GPAT3: variants seen among roughly 807,000 people sequenced by gnomAD.
The protein encoded by GPAT3 is 1-AGP acyltransferase 9.
A neutral mutation model predicts 58.8 loss-of-function variants in GPAT3; 53 were observed. That is an observed-to-expected ratio of 0.90 (90% CI 0.72 to 1.13). The LOEUF (loss-of-function observed/expected upper bound fraction) is 1.13. Among genes scored for constraint, GPAT3 ranks in the 50% most tolerant of loss-of-function variants. The probability of loss-of-function intolerance (pLI) is 0.00; values close to 1 mark genes in which losing one functional copy is unlikely to be tolerated. For missense variants in GPAT3, 511 were observed against 527.6 expected, an observed-to-expected ratio of 0.97 and a Z score of 0.31; for synonymous variants, 197 against 187.4, an observed-to-expected ratio of 1.05 and a Z score of -0.42.
intron 7 of GPAT3, chr4:83,595,217 T>A (rs1211735950): frequency 3.8e-6 from 1 of 263,602 alleles, no homozygotes. Flanking sequence ...GTCCAGTCAC[T>A]GAATTTTCAA....
chr4:83,539,608 C>A (rs1333830821), intron 1 of GPAT3, among the ~76,000 whole-genome samples: 1 of 152,162 alleles, frequency 6.6e-6, no homozygotes, highest in Non-Finnish European at 1.5e-5. Context: ...CCTTCTTAAC[C>A]CACTGGTTCA....
Position 83,536,344 on chromosome 4 carries a change from C to T in GPAT3, c.-279C>T, listed in dbSNP as rs1356121652. 3.4e-6 allele frequency: 4 copies of T among 1,165,914 alleles called. No homozygotes were observed. The highest frequency in any genetic ancestry group is 4.3e-5 in the East Asian group (1 of 23,062). The allele number at this position is 1,165,914 out of a possible 1,614,324, so 72.2% of individuals were successfully genotyped here. On this transcript the variant is annotated 5_prime_UTR_variant, in exon 1 of 12. Transcript: ENST00000264409. ...TTACCCGCAGCTCCGACCACTGGCT[C>T]GCGCTACCCAGGTCTCCGCACGCCG...
At chr4:83,582,934 G>A (rs1726209421) in intron 3 of GPAT3, among the ~76,000 whole-genome samples, 1 of 152,160 alleles carries the variant, frequency 6.6e-6, no homozygotes, top group Non-Finnish European at 1.5e-5. Flanking sequence ...CAGGGTTCGT[G>A]TACTCTGGGA....
chr4:83,594,319 A>G (rs1396991490), intron 6 of GPAT3, among the ~76,000 whole-genome samples: 1 of 152,248 alleles, frequency 6.6e-6, no homozygotes, highest in Non-Finnish European at 1.5e-5. Context: ...TTGTGCATAT[A>G]TATTTTCAAT....
At chr4:83,560,384 C>T (rs1234412088) in intron 2 of GPAT3, among the ~76,000 whole-genome samples, 2 of 152,126 alleles carry the variant, frequency 1.3e-5, no homozygotes, top group East Asian at 1.9e-4. Flanking sequence ...CCCAGGCAGC[C>T]GTACCTGCTC....
intron 5 of GPAT3, 112 bp downstream of exon 5, chr4:83,588,411 A>T (rs758432255): frequency 4.3e-6 from 4 of 921,868 alleles, no homozygotes; most frequent in Non-Finnish European, 6.9e-6. Flanking sequence ...AGTGCTTCCA[A>T]TGTGTTCATC....
rs760151577 is a variant in GPAT3 at position 83,583,667 on chromosome 4, G to GAAGAA, written c.479+1837_479+1838insGAAAA. 3.8e-4 allele frequency among the ~76,000 whole-genome samples: 9 copies of GAAGAA among 23,474 alleles called. 1 individual carries two copies. Among genetic ancestry groups the GAAGAA allele is most frequent in the Admixed American group, 1.9e-3 (3 of 1,552 alleles). The allele number at this position is 23,474 out of a possible 152,430, so 15.4% of individuals were successfully genotyped here. A position where few individuals can be genotyped will look rare whatever the true frequency, so the allele number is the denominator to read the frequency against. On this transcript the variant is annotated intron_variant, in intron 3 of 11. Coordinates refer to ENST00000264409, the MANE Select transcript of GPAT3 (RefSeq NM_032717.5). ...GGGTGACAGAGCGAGACTCTTGTCT[G>GAAGAA]AAAAAAAAAAAAAAAAAAAAAAAAA... is the stretch of plus-strand genomic sequence containing the variant.
chr4:83,590,340 T>G (rs369648161), intron 6 of GPAT3, 48 bp downstream of exon 6: 3 of 1,567,302 alleles, frequency 1.9e-6, no homozygotes, highest in African/African-American at 1.4e-5. Context: ...TTTTATGGAT[T>G]GATCAAACTT....
chr4:83,535,970 C>CG (rs1191052227), upstream of GPAT3: 1 of 985,194 alleles, frequency 1.0e-6, no homozygotes, highest in Non-Finnish European at 1.2e-6. Flanking sequence ...AGGCGGGGCG[C>CG]GGGGAAGAAC....
intron 2 of GPAT3, among the ~76,000 whole-genome samples, chr4:83,565,507 T>G (rs887477410): frequency 1.3e-5 from 2 of 152,158 alleles, no homozygotes; most frequent in Non-Finnish European, 2.9e-5. Flanking sequence ...TTTTTTTTGT[T>G]TGTTTTTTTG....
intron 2 of GPAT3, among the ~76,000 whole-genome samples, chr4:83,565,803 C>G (rs771965544): frequency 1.3e-5 from 2 of 152,182 alleles, no homozygotes; most frequent in Non-Finnish European, 2.9e-5. Flanking sequence ...GCTCATGCCC[C>G]GAGCTCTCGG....
intron 2 of GPAT3, among the ~76,000 whole-genome samples, chr4:83,561,958 G>T (rs535151207): frequency 3.2e-4 from 48 of 151,012 alleles, no homozygotes; most frequent in African/African-American, 1.1e-3. Flanking sequence ...GTCATTTTTT[G>T]ATCTTTGCTT....
chr4:83,549,532 A>G (rs1578163885), intron 2 of GPAT3, among the ~76,000 whole-genome samples: 1 of 148,752 alleles, frequency 6.7e-6, no homozygotes, highest in Admixed American at 6.8e-5. Flanking sequence ...TACATAATAT[A>G]TATTATTATT....
intron 2 of GPAT3, among the ~76,000 whole-genome samples, chr4:83,580,835 G>T (rs1257289640): frequency 6.6e-6 from 1 of 151,990 alleles, no homozygotes; most frequent in African/African-American, 2.4e-5. Flanking sequence ...GGTGGCTCAC[G>T]CCTGTAATCC....
intron 2 of GPAT3, among the ~76,000 whole-genome samples, chr4:83,564,321 T>C (rs2073348954): frequency 6.6e-6 from 1 of 152,232 alleles, no homozygotes; most frequent in Non-Finnish European, 1.5e-5. Flanking sequence ...GTTGCATTAA[T>C]TTTTCTGGGA....
At chr4:83,562,509 G>A (rs1725212823) in intron 2 of GPAT3, among the ~76,000 whole-genome samples, 2 of 151,606 alleles carry the variant, frequency 1.3e-5, no homozygotes, top group African/African-American at 4.9e-5. Flanking sequence ...GAAGATAATG[G>A]GGGCTTGAAC....
chr4:83,552,435 G>A (rs959007443), intron 2 of GPAT3, among the ~76,000 whole-genome samples: 1 of 152,170 alleles, frequency 6.6e-6, no homozygotes, highest in Non-Finnish European at 1.5e-5. Flanking sequence ...CCCCACTATC[G>A]TTAGCATGAT....
chr4:83,571,146 T>G (rs1046673250), intron 2 of GPAT3, among the ~76,000 whole-genome samples: 2 of 152,256 alleles, frequency 1.3e-5, no homozygotes, highest in Admixed American at 6.5e-5. Context: ...ATCAGTGGAT[T>G]TTTAAAAATA....
At chr4:83,548,302 G>T (rs950719905) in intron 2 of GPAT3, among the ~76,000 whole-genome samples, 1 of 152,128 alleles carries the variant, frequency 6.6e-6, no homozygotes, top group Non-Finnish European at 1.5e-5. Context: ...TTTTATTTTA[G>T]CCTGTTTTAA....
Sources: gnomAD v4.1 joint callset for allele counts (sites outside exome capture counted in the v4.1 genomes callset) on GRCh38, gnomAD v4.1.1 for gene constraint, MANE v1.5 for transcripts, NCBI Gene and HGNC (gene_info 2026-07-23, HGNC 2026-07-21) for gene names.